LSM3: variants seen among roughly 807,000 people sequenced by gnomAD.
LSM3 encodes the protein U6 snRNA-associated Sm-like protein LSm3.
Under a neutral mutation model 15.4 loss-of-function variants are expected in LSM3, and 14 were observed. The ratio of observed to expected loss-of-function variants is 0.91; its 90% confidence interval spans 0.60 to 1.42. The LOEUF (loss-of-function observed/expected upper bound fraction) is 1.42, where lower values mean the gene tolerates loss of function less well. Ranked by LOEUF, LSM3 falls within the 40% of genes most tolerant of loss-of-function variation. The pLI is 0.00. For synonymous variants in LSM3, 46 were observed against 45.1 expected (o/e 1.02, Z -0.08); for missense variants, 88 against 127.9 (o/e 0.69, Z 1.50).
chr3:14,183,831 G>C (rs766799944), intron 2 of LSM3, 106 bp from the exon 3 acceptor site: 36 of 700,448 alleles, frequency 5.1e-5, no homozygotes, highest in Non-Finnish European at 8.0e-5. Flanking sequence ...TGTGATGTAA[G>C]TATCAAATGC....
intron 3 of LSM3, among the ~76,000 whole-genome samples, chr3:14,184,404 A>G (rs1049695906): frequency 6.6e-6 from 1 of 152,210 alleles, no homozygotes; most frequent in African/African-American, 2.4e-5. Context: ...GATTTGATCT[A>G]TTAATACTTA....
chr3:14,193,936 G>A (rs923351172), intron 3 of LSM3, among the ~76,000 whole-genome samples: 2 of 152,140 alleles, frequency 1.3e-5, no homozygotes, highest in Non-Finnish European at 2.9e-5. Flanking sequence ...TCTAGTCTTT[G>A]ATGTTGGTGA....
At chr3:14,180,820 C>CTTTTTTTTTT (rs1436714313) in intron 1 of LSM3, among the ~76,000 whole-genome samples, 2 of 51,398 alleles carry the variant, frequency 3.9e-5, no homozygotes, top group African/African-American at 1.5e-4. Context: ...TGCTTGCTTG[C>CTTTTTTTTTT]CTTTTTTTTT....
chr3:14,182,589 C>A (rs145355783), intron 2 of LSM3, among the ~76,000 whole-genome samples: 1 of 152,186 alleles, frequency 6.6e-6, no homozygotes, highest in East Asian at 1.9e-4. Flanking sequence ...GAAGGTTTTG[C>A]CTCTCCTTAA....
At chr3:14,178,986 A>G (rs913007192) in intron 1 of LSM3, 105 bp downstream of exon 1, 6 of 1,268,488 alleles carry the variant, frequency 4.7e-6, no homozygotes, top group African/African-American at 1.5e-5. Flanking sequence ...CCAAGTCACC[A>G]TGGCCTAATC....
intron 3 of LSM3, among the ~76,000 whole-genome samples, chr3:14,184,585 G>A (rs1244657711): frequency 3.3e-5 from 5 of 150,868 alleles, no homozygotes; most frequent in Non-Finnish European, 4.4e-5. Context: ...GTGAAACCCC[G>A]TCTCTACTAA....
chr3:14,189,389 C>T (rs1244445257), intron 3 of LSM3, among the ~76,000 whole-genome samples: 3 of 152,204 alleles, frequency 2.0e-5, no homozygotes, highest in African/African-American at 7.2e-5. Flanking sequence ...CTGTCTTCCA[C>T]AATGGTTGAA....
intron 1 of LSM3, among the ~76,000 whole-genome samples, chr3:14,180,862 A>ATT (rs1697031173): frequency 1.5e-5 from 2 of 129,052 alleles, no homozygotes; most frequent in African/African-American, 6.2e-5. Flanking sequence ...TTTTTTAAAA[A>ATT]AAAAAAAGAC....
intron 3 of LSM3, 51 bp from the exon 4 acceptor site, chr3:14,197,985 A>G: frequency 3.6e-6 from 5 of 1,406,182 alleles, no homozygotes; most frequent in Non-Finnish European, 5.0e-6. Context: ...ACAAACAATA[A>G]GCAGTAATAC....
chr3:14,198,949 A>T lies in LSM3; in HGVS notation c.*833A>T, dbSNP rs1444396523. Reference sequence around the variant, plus strand: ...TGCAGGCAGTAAGATTAGTGCTGATAGAATCATGCACATGCAGGATGCCAT... The same window carrying T: ...TGCAGGCAGTAAGATTAGTGCTGATTGAATCATGCACATGCAGGATGCCAT... On this transcript the variant is annotated 3_prime_UTR_variant, in exon 4 of 4. Transcript: ENST00000306024. 1 of 152,188 alleles carries T rather than the reference A, an allele frequency of 6.6e-6. No homozygotes were observed. The highest frequency in any genetic ancestry group is 2.4e-5 in the African/African-American group (1 of 41,444). The allele number at this position is 152,188 out of a possible 1,614,324, so 9.4% of individuals were successfully genotyped here. A position where few individuals can be genotyped will look rare whatever the true frequency, so the allele number is the denominator to read the frequency against.
intron 1 of LSM3, 138 bp from the exon 2 acceptor site, chr3:14,181,422 C>G: frequency 1.5e-6 from 1 of 653,214 alleles, no homozygotes; most frequent in Non-Finnish European, 2.8e-6. Context: ...TAGGTAGACA[C>G]TATTATCTCC....
At position 14,199,530 on chromosome 3, in the gene LSM3, GT is replaced by G. The variant is rs1697216227; in HGVS notation, c.*1418del. 6.6e-6 allele frequency: 1 copy of G among 152,172 alleles called. No homozygotes were observed. The highest frequency in any genetic ancestry group is 2.1e-4 in the South Asian group (1 of 4,816). The allele number at this position is 152,172 out of a possible 1,614,324, so 9.4% of individuals were successfully genotyped here. A position where few individuals can be genotyped will look rare whatever the true frequency, so the allele number is the denominator to read the frequency against. On this transcript the variant is annotated 3_prime_UTR_variant, in exon 4 of 4. Coordinates refer to ENST00000306024, the MANE Select transcript of LSM3 (RefSeq NM_014463.3). ...TGCTTTCAGTAAACATATTTAAAAG[GT>G]TTTATTTTCCTTACTAATGGTACAT...
In LSM3 at chr3:14,184,025, TATATA is replaced by T; in HGVS notation, c.223_227del (p.Tyr75IlefsTer46). 1 of 1,605,524 alleles carries T rather than the reference TATATA, an allele frequency of 6.2e-7. No homozygotes were observed. Among genetic ancestry groups the T allele is most frequent in the East Asian group, 2.2e-5 (1 of 44,616 alleles). ...ATTGATGAAGAAACATATGAAGAGA[TATATA>T]AAGTAAGTCATGCAATTCTATTCAT... is the stretch of plus-strand genomic sequence containing the variant. On this transcript the variant is annotated frameshift_variant and splice_region_variant, in exon 3 of 4. Transcript: ENST00000306024. LOFTEE classifies it high-confidence loss of function.
At chr3:14,193,973 G>A (rs1320394332) in intron 3 of LSM3, among the ~76,000 whole-genome samples, 2 of 152,164 alleles carry the variant, frequency 1.3e-5, no homozygotes, top group South Asian at 2.1e-4. Flanking sequence ...TTGAGTAGAT[G>A]TGCTAATCCT....
chr3:14,188,662 A>C (rs1428249506), intron 3 of LSM3, among the ~76,000 whole-genome samples: 1 of 151,974 alleles, frequency 6.6e-6, no homozygotes, highest in Non-Finnish European at 1.5e-5. Flanking sequence ...TTTCATACAT[A>C]GCTTCCTTGT....
chr3:14,189,926 C>T (rs1697123535), intron 3 of LSM3, among the ~76,000 whole-genome samples: 1 of 152,038 alleles, frequency 6.6e-6, no homozygotes, highest in African/African-American at 2.4e-5. Flanking sequence ...TGTTTATGGT[C>T]CTAGGTCTTA....
chr3:14,190,653 T>C (rs1697130836), intron 3 of LSM3, among the ~76,000 whole-genome samples: 1 of 152,240 alleles, frequency 6.6e-6, no homozygotes, highest in Non-Finnish European at 1.5e-5. Flanking sequence ...ATCCTGAGAC[T>C]TCGCTGAAGT....
In LSM3 at chr3:14,198,252, A is replaced by G; in HGVS notation, c.*136A>G. Reference sequence around the variant, plus strand: ...TTCCGGGGATTCTTCCACTCCTGAAATGAGTTGATTTGCAGATAACTCACA... The same window carrying G: ...TTCCGGGGATTCTTCCACTCCTGAAGTGAGTTGATTTGCAGATAACTCACA... On this transcript the variant is annotated 3_prime_UTR_variant, in exon 4 of 4. Transcript: ENST00000306024. 1.5e-6 allele frequency: 1 copy of G among 665,952 alleles called. No homozygotes were observed. Among genetic ancestry groups the G allele is most frequent in the South Asian group, 1.9e-5 (1 of 53,816 alleles). 41.3% of individuals were successfully genotyped at this position (665,952 alleles called of 1,614,324 possible). A position where few individuals can be genotyped will look rare whatever the true frequency, so the allele number is the denominator to read the frequency against.
At chr3:14,180,957 TC>T (rs1463148490) in intron 1 of LSM3, among the ~76,000 whole-genome samples, 1 of 145,550 alleles carries the variant, frequency 6.9e-6, no homozygotes, top group Non-Finnish European at 1.5e-5. Context: ...GCTCAAGCAA[TC>T]CTCCCACCTC....
Sources: gnomAD v4.1 joint callset for allele counts (sites outside exome capture counted in the v4.1 genomes callset) on GRCh38, gnomAD v4.1.1 for gene constraint, MANE v1.5 for transcripts, NCBI Gene and HGNC (gene_info 2026-07-23, HGNC 2026-07-21) for gene names.